The following DGKE variants were observed in gnomAD, a reference collection of about 807,000 sequenced individuals.
DGKE encodes the protein diacylglycerol kinase epsilon, also known as DAG kinase epsilon.
A neutral mutation model predicts 70.0 loss-of-function variants in DGKE; 53 were observed. The observed-to-expected ratio is 0.76, with a 90% CI of 0.61 to 0.95. DGKE has a LOEUF of 0.95. Among genes scored for constraint, DGKE ranks in the 40% least tolerant of loss-of-function variants. The probability of loss-of-function intolerance (pLI) is 0.00; values close to 1 mark genes in which losing one functional copy is unlikely to be tolerated. For synonymous variants in DGKE, 291 were observed against 257.0 expected, an observed-to-expected ratio of 1.13 and a Z score of -1.27; for missense variants, 655 against 706.9, an observed-to-expected ratio of 0.93 and a Z score of 0.83.
chr17:56,840,335 T>TA lies in DGKE; in HGVS notation c.465-3683dup, dbSNP rs148085967. On this transcript the variant is annotated intron_variant, in intron 2 of 11. Transcript: ENST00000284061. Reference sequence around the variant, plus strand: ...TTAACTCTTCATAATACGCCAGATTTATTATGGGTAGATTAATGCAGTAGT... The same window carrying TA: ...TTAACTCTTCATAATACGCCAGATTTAATTATGGGTAGATTAATGCAGTAGT... Among the ~76,000 whole-genome samples the TA allele has an allele frequency of 1.1e-4, 16 of 152,236 alleles. No individual in the cohort carries two copies. The East Asian group carries it at 3.1e-3, about 29-fold the overall frequency.
intron 1 of DGKE, 38 bp from the exon 2 acceptor site, chr17:56,834,740 C>A: frequency 1.3e-6 from 2 of 1,515,130 alleles, no homozygotes; most frequent in Admixed American, 1.9e-5. Context: ...GAAGGGATGG[C>A]GAGCTCGGGG....
rs1427180244 is a variant in DGKE, at chr17:56,843,316, A to G, written c.465-703A>G. Among the ~76,000 whole-genome samples the G allele has an allele frequency of 2.0e-5, 3 of 152,272 alleles. No homozygotes were observed. The East Asian group carries it at 5.8e-4, about 29-fold the overall frequency. On this transcript the variant is annotated intron_variant, in intron 2 of 11. Transcript: ENST00000284061. ...GTTACATTGTTTTAAATTTTTGCAC[A>G]TTTCTTTCACTTATTATTCAGCTAG... is the stretch of plus-strand genomic sequence containing the variant.
intron 9 of DGKE, among the ~76,000 whole-genome samples, chr17:56,860,131 C>G (rs1908204783): frequency 6.6e-6 from 1 of 151,940 alleles, no homozygotes. Context: ...TTTAATTATA[C>G]AGAAATAAAA....
At chr17:56,851,179 CAGAG>C (rs1598035416) in intron 7 of DGKE, among the ~76,000 whole-genome samples, 1 of 152,186 alleles carries the variant, frequency 6.6e-6, no homozygotes. Flanking sequence ...CCACATCACT[CAGAG>C]AGCAGTAGTA....
chr17:56,848,492 A>T (rs1313098971), intron 5 of DGKE, among the ~76,000 whole-genome samples: 1 of 152,214 alleles, frequency 6.6e-6, no homozygotes, highest in Non-Finnish European at 1.5e-5. Context: ...ATTTTTTATT[A>T]TGCAGATGAA....
Position 56,856,581 on chromosome 17 carries a change from C to G in DGKE, c.1168C>G (p.Arg390Gly), listed in dbSNP as rs761618548. ...CATGGCTCTCAATTTTCATGCTCAT[C>G]GTGAGAAGGCACCATCTCTGTTTTC... Reference protein sequence around the residue: ...ALMALNFHAHREKAPSLFSSR... With the variant: ...ALMALNFHAHGEKAPSLFSSR... Residue 390 changes from arginine to glycine, a missense_variant, in exon 8 of 12, where the codon CGT becomes GGT. Transcript: ENST00000284061. 1 of 1,613,742 alleles carries G rather than the reference C, an allele frequency of 6.2e-7. No homozygotes were observed.
intron 7 of DGKE, among the ~76,000 whole-genome samples, chr17:56,852,366 T>A (rs1007766253): frequency 6.7e-6 from 1 of 150,346 alleles, no homozygotes; most frequent in Non-Finnish European, 1.5e-5. Context: ...TGAGCCAAGA[T>A]CACGCCACTG....
intron 4 of DGKE, chr17:56,847,221 C>T (rs977541520): frequency 3.4e-5 from 3 of 87,008 alleles, no homozygotes; most frequent in Non-Finnish European, 5.2e-5. Flanking sequence ...CTAAGTTGCA[C>T]TGGTGATTTT....
At chr17:56,848,642 T>C (rs1907457200) in intron 5 of DGKE, 54 bp from the exon 6 acceptor site, 4 of 1,573,028 alleles carry the variant, frequency 2.5e-6, no homozygotes, top group Non-Finnish European at 3.5e-6. Flanking sequence ...CAAAATATTA[T>C]TACCCAGCAA....
At chr17:56,835,291 A>G in intron 2 of DGKE, 32 bp downstream of exon 2, 1 of 1,573,304 alleles carries the variant, frequency 6.4e-7, no homozygotes, top group East Asian at 2.2e-5. Context: ...ACTGTCCCAG[A>G]ATGCGCCGTG....
intron 7 of DGKE, among the ~76,000 whole-genome samples, chr17:56,852,134 G>A (rs967252367): frequency 2.0e-5 from 3 of 152,152 alleles, no homozygotes; most frequent in South Asian, 2.1e-4. Context: ...ACAAATTGGC[G>A]GGGTGCGGTG....
At chr17:56,860,181 C>T (rs1000764556) in intron 9 of DGKE, among the ~76,000 whole-genome samples, 2 of 152,164 alleles carry the variant, frequency 1.3e-5, no homozygotes, top group East Asian at 1.9e-4. Flanking sequence ...TCATTGTCCT[C>T]GATACTGGAG....
In DGKE at chr17:56,834,959, T is replaced by C; in HGVS notation, c.164T>C (p.Phe55Ser). ...SRRQLHRRDIFRKSKHGWRDT... is the reference protein window; with the variant it reads ...SRRQLHRRDISRKSKHGWRDT... Reference sequence around the variant, plus strand: ...CGGCAGCTGCACCGCAGGGACATCTTCCGCAAGAGCAAGCACGGGTGGCGC... The same window carrying C: ...CGGCAGCTGCACCGCAGGGACATCTCCCGCAAGAGCAAGCACGGGTGGCGC... The change falls in exon 2 of 12, where the codon TTC (phenylalanine) becomes TCC (serine). Residue 55 changes from phenylalanine to serine, a missense_variant. By Grantham distance (155) the Phe-to-Ser change is radical (BLOSUM62 -2). Coordinates refer to ENST00000284061, the MANE Select transcript of DGKE (RefSeq NM_003647.3). 1 of 1,613,196 alleles carries C rather than the reference T, an allele frequency of 6.2e-7. No homozygotes were observed. Among genetic ancestry groups the C allele is most frequent in the Non-Finnish European group, 8.5e-7 (1 of 1,179,954 alleles).
chr17:56,849,191 C>G lies in DGKE; in HGVS notation c.1057C>G (p.Gln353Glu), dbSNP rs750512560. 6.2e-7 allele frequency: 1 copy of G among 1,610,372 alleles called. No homozygotes were observed. Among genetic ancestry groups the G allele is most frequent in the Admixed American group, 1.7e-5 (1 of 59,134 alleles). ...DGIKLDRWKV[Q>E]VTNKGYYNLR... The stretch of plus-strand genomic sequence containing the variant: ...ACTTCTGTTTTTTAGATGGAAAGTT[C>G]AAGTAACAAATAAAGGATACTACAA... The change falls in exon 7 of 12, where the codon CAA (glutamine) becomes GAA (glutamate). Residue 353 changes from glutamine to glutamate, a missense_variant. By Grantham distance (29) the Gln-to-Glu change is conservative (BLOSUM62 2). Coordinates refer to ENST00000284061, the MANE Select transcript of DGKE (RefSeq NM_003647.3).
At chr17:56,853,560 C>A (rs1031529633) in intron 7 of DGKE, among the ~76,000 whole-genome samples, 1 of 152,166 alleles carries the variant, frequency 6.6e-6, no homozygotes, top group Non-Finnish European at 1.5e-5. Context: ...TGAGACTCTC[C>A]TTTCCCTATT....
chr17:56,839,448 C>T (rs895307559), intron 2 of DGKE, among the ~76,000 whole-genome samples: 5 of 152,152 alleles, frequency 3.3e-5, no homozygotes, highest in African/African-American at 1.2e-4. Context: ...TAGGTAAAGA[C>T]AATAGGATTC....
rs1049302433 is a variant in DGKE, at chr17:56,864,972, G to C, written c.*2181G>C. Reference sequence around the variant, plus strand: ...CTAGTAAGGTTTTTGCATCACTACTGGTCTGTCATGAAGTTTTTCTGCTGG... The same window carrying C: ...CTAGTAAGGTTTTTGCATCACTACTCGTCTGTCATGAAGTTTTTCTGCTGG... On this transcript the variant is annotated 3_prime_UTR_variant, in exon 12 of 12. Transcript: ENST00000284061. 2 of 151,896 alleles carry C rather than the reference G, an allele frequency of 1.3e-5. No homozygotes were observed. The highest frequency in any genetic ancestry group is 4.8e-5 in the African/African-American group (2 of 41,332). The allele number at this position is 151,896 out of a possible 1,614,324, so 9.4% of individuals were successfully genotyped here. A position where few individuals can be genotyped will look rare whatever the true frequency, so the allele number is the denominator to read the frequency against.
chr17:56,852,795 G>C (rs1907734478), intron 7 of DGKE, among the ~76,000 whole-genome samples: 1 of 152,160 alleles, frequency 6.6e-6, no homozygotes, highest in African/African-American at 2.4e-5. Context: ...GTTTTCATTT[G>C]CAATTCTCTG....
intron 2 of DGKE, among the ~76,000 whole-genome samples, chr17:56,839,709 A>G (rs962244072): frequency 8.6e-5 from 13 of 151,808 alleles, no homozygotes; most frequent in Non-Finnish European, 1.9e-4. Flanking sequence ...TTGTAGAGAT[A>G]GGAGTATCAC....
Sources: allele counts gnomAD v4.1 joint callset (sites outside exome capture counted in the v4.1 genomes callset), GRCh38; gene constraint gnomAD v4.1.1; transcripts MANE v1.5; gene names NCBI Gene and HGNC (gene_info 2026-07-23, HGNC 2026-07-21).